The following DAB1 variants were observed in gnomAD, a reference collection of about 807,000 sequenced individuals.
DAB1 encodes disabled homolog 1.
DAB1 carries 15 observed loss-of-function variants against 64.6 expected under a neutral mutation model. The observed-to-expected ratio is 0.23, with a 90% CI of 0.16 to 0.36. DAB1 has a LOEUF of 0.36. DAB1 is among the 10% of genes least tolerant of loss of function. The probability of loss-of-function intolerance (pLI) is 1.00; values close to 1 mark genes in which losing one functional copy is unlikely to be tolerated. For missense variants in DAB1, 596 were observed against 706.7 expected (o/e 0.84, Z 1.78); for synonymous variants, 235 against 251.9 (o/e 0.93, Z 0.64).
chr1:58,317,053 T>C (rs190759222), intron 4 of DAB1, among the ~76,000 whole-genome samples: 4 of 152,362 alleles, frequency 2.6e-5, no homozygotes, highest in African/African-American at 9.6e-5. Context: ...TGCTTAGCAA[T>C]AGTTAGATGC....
At chr1:58,060,462 G>A (rs555690058) in intron 5 of DAB1, among the ~76,000 whole-genome samples, 3 of 152,126 alleles carry the variant, frequency 2.0e-5, no homozygotes, top group Admixed American at 6.5e-5. Context: ...TGGAAAACTC[G>A]CCTCACATTT....
intron 5 of DAB1, among the ~76,000 whole-genome samples, chr1:58,118,521 C>CACAT (rs1491324385): frequency 4.0e-5 from 4 of 98,948 alleles, no homozygotes; most frequent in East Asian, 3.0e-4. Flanking sequence ...CACACACACA[C>CACAT]ATATATATAT....
rs1181831310 is a variant in DAB1, at chr1:58,087,982, G to C, written n.387+62529C>G. The stretch of plus-strand genomic sequence containing the variant: ...CACTCTGCTGGGGAAGGCAACATAC[G>C]GCTATTTTTACTGTTTGTTTTGTTT... On this transcript the variant is annotated intron_variant and non_coding_transcript_variant, in intron 5 of 20. Coordinates refer to the DAB1 transcript ENST00000485760. Among the ~76,000 whole-genome samples, 3 of 152,160 alleles carry C rather than the reference G, an allele frequency of 2.0e-5. No individual in the cohort carries two copies. In the South Asian group the frequency reaches 6.2e-4, roughly 32 times the overall value.
At chr1:57,346,244 C>T (rs766228086) in intron 1 of DAB1, among the ~76,000 whole-genome samples, 10 of 152,238 alleles carry the variant, frequency 6.6e-5, no homozygotes, top group Middle Eastern at 3.4e-3. Context: ...AGTGAGAAGA[C>T]GGAGGAGGAT....
chr1:57,227,372 T>C (rs145170446), intron 2 of DAB1, among the ~76,000 whole-genome samples: 2 of 152,232 alleles, frequency 1.3e-5, no homozygotes, highest in African/African-American at 4.8e-5. Context: ...ATTACAGAGC[T>C]TATAGTCTAA....
At chr1:57,819,949 G>A (rs1247142788) in intron 6 of DAB1, among the ~76,000 whole-genome samples, 2 of 152,142 alleles carry the variant, frequency 1.3e-5, no homozygotes, top group Non-Finnish European at 2.9e-5. Flanking sequence ...GTATTTCTTT[G>A]GTAGTTCCTT....
intron 4 of DAB1, among the ~76,000 whole-genome samples, chr1:58,290,997 A>T (rs1260540927): frequency 6.6e-6 from 1 of 152,192 alleles, no homozygotes; most frequent in Non-Finnish European, 1.5e-5. Context: ...AGGAGAGGGA[A>T]TATCATGAGA....
intron 4 of DAB1, among the ~76,000 whole-genome samples, chr1:58,292,352 A>G (rs900659643): frequency 1.3e-5 from 2 of 152,224 alleles, no homozygotes. Context: ...CACACACCAT[A>G]TCAAGAAAAA....
chr1:57,481,832 A>G (rs988496235), intron 7 of DAB1, among the ~76,000 whole-genome samples: 3 of 150,828 alleles, frequency 2.0e-5, no homozygotes, highest in Non-Finnish European at 3.0e-5. Flanking sequence ...AAAAAAAAAG[A>G]GATAATGTAG....
At chr1:57,494,863 C>A (rs1238323396) in intron 7 of DAB1, among the ~76,000 whole-genome samples, 2 of 152,128 alleles carry the variant, frequency 1.3e-5, no homozygotes, top group Admixed American at 1.3e-4. Context: ...CATTCTGTAC[C>A]TTGCTTCAGC....
chr1:58,004,256 T>C (rs1466907476), intron 5 of DAB1, among the ~76,000 whole-genome samples: 1 of 152,202 alleles, frequency 6.6e-6, no homozygotes, highest in Non-Finnish European at 1.5e-5. Context: ...TATACAAATA[T>C]ATATTTTCCA....
intron 2 of DAB1, among the ~76,000 whole-genome samples, chr1:57,214,836 A>G (rs1666293349): frequency 7.2e-6 from 1 of 138,224 alleles, no homozygotes; most frequent in South Asian, 2.3e-4. Flanking sequence ...GCGTGAACCC[A>G]GGAGGTGGAG....
intron 5 of DAB1, among the ~76,000 whole-genome samples, chr1:57,941,886 A>G (rs1377313698): frequency 6.6e-6 from 1 of 152,176 alleles, no homozygotes; most frequent in African/African-American, 2.4e-5. Flanking sequence ...AGGTACTAAT[A>G]AGTTTGGAAA....
chr1:57,110,286 C>T (rs962387536), intron 4 of DAB1, among the ~76,000 whole-genome samples: 3 of 152,194 alleles, frequency 2.0e-5, no homozygotes, highest in Admixed American at 6.5e-5. Flanking sequence ...AATTCAGGCT[C>T]ATCTTGGAGA....
upstream of DAB1, among the ~76,000 whole-genome samples, chr1:57,426,307 C>A (rs1421199414): frequency 4.6e-5 from 7 of 152,190 alleles, no homozygotes; most frequent in Non-Finnish European, 7.4e-5. Context: ...AAGTCCACCA[C>A]GGAAACTGGG....
intron 4 of DAB1, among the ~76,000 whole-genome samples, chr1:58,185,468 T>C (rs1477485094): frequency 6.6e-6 from 1 of 152,210 alleles, no homozygotes; most frequent in East Asian, 1.9e-4. Flanking sequence ...CTATTGACAG[T>C]TCAGGAACCT....
chr1:58,167,518 G>A (rs538143996), intron 4 of DAB1, among the ~76,000 whole-genome samples: 3 of 152,336 alleles, frequency 2.0e-5, no homozygotes, highest in East Asian at 3.9e-4. Context: ...TCAGCAGGAT[G>A]TGGGCAGGGT....
chr1:57,130,373 T>G (rs1657548369), intron 4 of DAB1, among the ~76,000 whole-genome samples: 1 of 152,098 alleles, frequency 6.6e-6, no homozygotes, highest in South Asian at 2.1e-4. Flanking sequence ...AAAAATTACT[T>G]TAAACTACCT....
chr1:58,232,245 G>A (rs897766987), intron 4 of DAB1, among the ~76,000 whole-genome samples: 2 of 152,180 alleles, frequency 1.3e-5, no homozygotes, highest in Non-Finnish European at 2.9e-5. Context: ...CTGGAAATAT[G>A]AGAAGAGACC....
Sources: gnomAD v4.1 joint callset for allele counts (sites outside exome capture counted in the v4.1 genomes callset) on GRCh38, gnomAD v4.1.1 for gene constraint, MANE v1.5 for transcripts, NCBI Gene and HGNC (gene_info 2026-07-23, HGNC 2026-07-21) for gene names.